Variants in OR56A1 observed in about 807,000 individuals in gnomAD.
OR56A1 encodes olfactory receptor 56A1.
For missense variants in OR56A1, 360 were observed against 380.9 expected (o/e 0.94, Z 0.46); for synonymous variants, 174 against 159.1 (o/e 1.09, Z -0.70).
Position 6,027,212 on chromosome 11 carries a change from G to C in OR56A1, c.481C>G (p.Pro161Ala). The C allele has an allele frequency of 6.2e-7, 1 of 1,614,200 alleles. No individual in the cohort carries two copies. Among genetic ancestry groups the C allele is most frequent in the Non-Finnish European group, 8.5e-7 (1 of 1,180,010 alleles). Residue 161 changes from proline (P) to alanine (A), a missense_variant, in exon 2 of 2, where the codon CCC (proline) becomes GCC (alanine). Coordinates refer to ENST00000641900, the MANE Select transcript of OR56A1 (RefSeq NM_001388488.1). ...AGCAGGGAAGTGAGGATAGGAATGGGTGCAGTAAGAAGCGCATTCCGCACC... is the reference window on the plus strand; with the variant it reads ...AGCAGGGAAGTGAGGATAGGAATGGCTGCAGTAAGAAGCGCATTCCGCACC... ...IVVRNALLTA[P>A]IPILTSLLHY...
rs757018079 is a variant in OR56A1, at chr11:6,024,588, A to C, written c.*2160T>G. 1 of 152,200 alleles carries C rather than the reference A, an allele frequency of 6.6e-6. No homozygotes were observed. The highest frequency in any genetic ancestry group is 1.5e-5 in the Non-Finnish European group (1 of 68,028). The allele number at this position is 152,200 out of a possible 1,614,324, so 9.4% of individuals were successfully genotyped here. A position where few individuals can be genotyped will look rare whatever the true frequency, so the allele number is the denominator to read the frequency against. On this transcript the variant is annotated 3_prime_UTR_variant, in exon 2 of 2. Transcript: ENST00000641900. ...TATATCCTATTAGATTCCTTTTTAA[A>C]AACTCACTTTTATGATCACGTATAG...
chr11:6,023,933 T>A lies in OR56A1; in HGVS notation c.*2815A>T, dbSNP rs1315586360. On this transcript the variant is annotated 3_prime_UTR_variant, in exon 2 of 2. Coordinates refer to ENST00000641900, the MANE Select transcript of OR56A1 (RefSeq NM_001388488.1). ...CTCCTTTATCATCTGTATGAGGATT[T>A]ACTTCAAAGCCTATCTAGGACCCTT... 1.3e-5 allele frequency: 2 copies of A among 152,208 alleles called. No homozygotes were observed. Among genetic ancestry groups the A allele is most frequent in the African/African-American group, 4.8e-5 (2 of 41,448 alleles). The allele number at this position is 152,208 out of a possible 1,614,324, so 9.4% of individuals were successfully genotyped here. A position where few individuals can be genotyped will look rare whatever the true frequency, so the allele number is the denominator to read the frequency against.
chr11:6,031,467 C>T (rs892596123), upstream of OR56A1, among the ~76,000 whole-genome samples: 5 of 152,056 alleles, frequency 3.3e-5, no homozygotes, highest in Non-Finnish European at 7.4e-5. Context: ...GAAAGAATGG[C>T]GGCCGCAATA....
intron 1 of OR56A1, among the ~76,000 whole-genome samples, chr11:6,028,462 A>C (rs1848479589): frequency 6.6e-6 from 1 of 152,122 alleles, no homozygotes; most frequent in Non-Finnish European, 1.5e-5. Context: ...TTCAAACCTG[A>C]AACTCTACTT....
rs1380742376 is a variant in OR56A1, at chr11:6,024,672, C to A, written c.*2076G>T. ...TAGACATTGGTATATTGCAAGTGCT[C>A]AAAACACATGAACTTGGATTTTCAT... On this transcript the variant is annotated 3_prime_UTR_variant, in exon 2 of 2. Transcript: ENST00000641900. 8 of 152,044 alleles carry A rather than the reference C, an allele frequency of 5.3e-5. No homozygotes were observed. The South Asian group carries it at 8.3e-4, about 16-fold the overall frequency. 9.4% of individuals were successfully genotyped at this position (152,044 alleles called of 1,614,324 possible). A position where few individuals can be genotyped will look rare whatever the true frequency, so the allele number is the denominator to read the frequency against.
At position 6,019,771 on chromosome 11, in the gene OR56A1, A is replaced by T. The variant is rs1848376203; in HGVS notation, c.*6977T>A. ...AACCTGACTTCTAAACTTAAAATTC[A>T]AGTTCTCATTAAGCCAAAAGTGAAT... On this transcript the variant is annotated 3_prime_UTR_variant, in exon 2 of 2. Transcript: ENST00000641900. 3 of 152,220 alleles carry T rather than the reference A, an allele frequency of 2.0e-5. No homozygotes were observed. Among genetic ancestry groups the T allele is most frequent in the South Asian group, 2.1e-4 (1 of 4,820 alleles). 9.4% of individuals were successfully genotyped at this position (152,220 alleles called of 1,614,324 possible).
Position 6,026,976 on chromosome 11 carries a change from C to A in OR56A1, c.717G>T (p.Lys239Asn). 6.2e-7 allele frequency: 1 copy of A among 1,614,086 alleles called. No individual in the cohort carries two copies. The change falls in exon 2 of 2, where the codon AAG becomes AAT. Residue 239 changes from lysine to asparagine, a missense_variant. Coordinates refer to ENST00000641900, the MANE Select transcript of OR56A1 (RefSeq NM_001388488.1). ...LRFKAEGAAV[K>N]ALSTCGSHFI... ...AGTGGGAGCCACATGTGCTCAGGGC[C>A]TTCACTGCCGCCCCCTCTGCTTTGA...
Position 6,019,872 on chromosome 11 carries a change from T to G in OR56A1, c.*6876A>C, listed in dbSNP as rs529021452. 1.3e-5 allele frequency: 2 copies of G among 152,220 alleles called. No homozygotes were observed. The highest frequency in any genetic ancestry group is 2.1e-4 in the South Asian group (1 of 4,822). The allele number at this position is 152,220 out of a possible 1,614,324, so 9.4% of individuals were successfully genotyped here. On this transcript the variant is annotated 3_prime_UTR_variant, in exon 2 of 2. Transcript: ENST00000641900. The stretch of plus-strand genomic sequence containing the variant: ...GTCACTCTGTGAATTCAAGTAAAAA[T>G]GAGACCTTGATCCCTCTCTTGGCTC...
In OR56A1 at chr11:6,024,908, A is replaced by G. The variant is rs1848432005; in HGVS notation, c.*1840T>C. 1 of 152,158 alleles carries G rather than the reference A, an allele frequency of 6.6e-6. No homozygotes were observed. The highest frequency in any genetic ancestry group is 1.5e-5 in the Non-Finnish European group (1 of 68,040). 9.4% of individuals were successfully genotyped at this position (152,158 alleles called of 1,614,324 possible). A position where few individuals can be genotyped will look rare whatever the true frequency, so the allele number is the denominator to read the frequency against. Reference sequence around the variant, plus strand: ...GAGAGCCAAGCCTGAAGGTACTAAGAGCCCCTTCCTGTAAGCCAATGGGTA... The same window carrying G: ...GAGAGCCAAGCCTGAAGGTACTAAGGGCCCCTTCCTGTAAGCCAATGGGTA... On this transcript the variant is annotated 3_prime_UTR_variant, in exon 2 of 2. Coordinates refer to ENST00000641900, the MANE Select transcript of OR56A1 (RefSeq NM_001388488.1).
chr11:6,024,199 A>C lies in OR56A1; in HGVS notation c.*2549T>G, dbSNP rs1848424623. On this transcript the variant is annotated 3_prime_UTR_variant, in exon 2 of 2. Coordinates refer to ENST00000641900, the MANE Select transcript of OR56A1 (RefSeq NM_001388488.1). ...TAAGGAAATGTTTACTGAGCCCCTCAATATGTGAGAGCTGTGCTAGTTACT... is the reference window on the plus strand; with the variant it reads ...TAAGGAAATGTTTACTGAGCCCCTCCATATGTGAGAGCTGTGCTAGTTACT... 6.6e-6 allele frequency: 1 copy of C among 152,212 alleles called. No individual in the cohort carries two copies. The highest frequency in any genetic ancestry group is 1.5e-5 in the Non-Finnish European group (1 of 68,028). The allele number at this position is 152,212 out of a possible 1,614,324, so 9.4% of individuals were successfully genotyped here.
upstream of OR56A1, among the ~76,000 whole-genome samples, chr11:6,032,421 A>T (rs143893135): frequency 2.0e-5 from 3 of 152,284 alleles, no homozygotes; most frequent in Non-Finnish European, 4.4e-5. Context: ...TCTGCTGTGA[A>T]ATAGAGGGCA....
chr11:6,027,213 T>A lies in OR56A1; in HGVS notation c.480A>T (p.Ala160=). Residue 160 remains alanine (A), a synonymous_variant, in exon 2 of 2, where the codon GCA becomes GCT. Transcript: ENST00000641900. ...GCAGGGAAGTGAGGATAGGAATGGG[T>A]GCAGTAAGAAGCGCATTCCGCACCA... ...FIVVRNALLT[A]PIPILTSLLH... 1 of 1,614,062 alleles carries A rather than the reference T, an allele frequency of 6.2e-7. No individual in the cohort carries two copies. The highest frequency in any genetic ancestry group is 8.5e-7 in the Non-Finnish European group (1 of 1,179,906).
chr11:6,033,068 G>C (rs1325645349), upstream of OR56A1, among the ~76,000 whole-genome samples: 2 of 151,964 alleles, frequency 1.3e-5, no homozygotes, highest in Non-Finnish European at 2.9e-5. Flanking sequence ...GACATTTGTG[G>C]ATCAATCCTC....
chr11:6,030,170 A>G (rs1564817154), intron 1 of OR56A1, among the ~76,000 whole-genome samples: 2 of 152,156 alleles, frequency 1.3e-5, no homozygotes, highest in African/African-American at 2.4e-5. Context: ...TCCAAGTACT[A>G]TTACCTCGAG....
At position 6,023,242 on chromosome 11, in the gene OR56A1, G is replaced by A. The variant is rs900960393; in HGVS notation, c.*3506C>T. The A allele has an allele frequency of 6.6e-6, 1 of 152,194 alleles. No individual in the cohort carries two copies. Among genetic ancestry groups the A allele is most frequent in the Admixed American group, 6.5e-5 (1 of 15,280 alleles). The allele number at this position is 152,194 out of a possible 1,614,324, so 9.4% of individuals were successfully genotyped here. On this transcript the variant is annotated 3_prime_UTR_variant, in exon 2 of 2. Transcript: ENST00000641900. ...TTGCTGTTTAAGTTCTACAGTTGCAGTCTTGATGCTATAAACTTTCTCTGA... is the reference window on the plus strand; with the variant it reads ...TTGCTGTTTAAGTTCTACAGTTGCAATCTTGATGCTATAAACTTTCTCTGA...
At chr11:6,027,793 A>G in intron 1 of OR56A1, 67 bp from the exon 2 acceptor site, 4 of 990,904 alleles carry the variant, frequency 4.0e-6, no homozygotes, top group Non-Finnish European at 6.0e-6. Context: ...CCTTTCACTT[A>G]CTCTTTAGGA....
rs573112087 is a variant in OR56A1 at position 6,027,188 on chromosome 11, G to A, written c.505C>T (p.Leu169Phe). The A allele has an allele frequency of 6.6e-4, 1,073 of 1,614,232 alleles. 17 individuals are homozygous for A. In the South Asian group the frequency reaches 0.011, roughly 17 times the overall value. Residue 169 changes from leucine to phenylalanine, a missense_variant, in exon 2 of 2, where the codon CTC becomes TTC. Transcript: ENST00000641900. The part of the protein sequence containing the change: ...TAPIPILTSL[L>F]HYCGENVIEN... ...ATGACATTTTCCCCACAGTAATGGA[G>A]CAGGGAAGTGAGGATAGGAATGGGT...
At chr11:6,029,096 T>C (rs1439442712) in intron 1 of OR56A1, among the ~76,000 whole-genome samples, 2 of 152,064 alleles carry the variant, frequency 1.3e-5, no homozygotes, top group Non-Finnish European at 2.9e-5. Context: ...TACATATAGA[T>C]GTAGAGAGTG....
chr11:6,024,196 C>T lies in OR56A1; in HGVS notation c.*2552G>A, dbSNP rs1323429803. On this transcript the variant is annotated 3_prime_UTR_variant, in exon 2 of 2. Transcript: ENST00000641900. ...AAGTAAGGAAATGTTTACTGAGCCC[C>T]TCAATATGTGAGAGCTGTGCTAGTT... The T allele has an allele frequency of 1.3e-5, 2 of 152,200 alleles. No homozygotes were observed. The highest frequency in any genetic ancestry group is 4.8e-5 in the African/African-American group (2 of 41,448). 9.4% of individuals were successfully genotyped at this position (152,200 alleles called of 1,614,324 possible).
Sources: allele counts gnomAD v4.1 joint callset (sites outside exome capture counted in the v4.1 genomes callset), GRCh38; gene constraint gnomAD v4.1.1; transcripts MANE v1.5; gene names NCBI Gene and HGNC (gene_info 2026-07-23, HGNC 2026-07-21).